MFSD11: variants seen among roughly 807,000 people sequenced by gnomAD.
MFSD11 encodes the protein major facilitator superfamily domain containing 11.
Under a neutral mutation model 53.5 loss-of-function variants are expected in MFSD11, and 36 were observed. The observed-to-expected ratio is 0.67, with a 90% CI of 0.52 to 0.89. The LOEUF is 0.89. Among genes scored for constraint, MFSD11 ranks in the 40% least tolerant of loss-of-function variants. The pLI is 0.00. For synonymous variants in MFSD11, 186 were observed against 184.9 expected, an observed-to-expected ratio of 1.01 and a Z score of -0.05; for missense variants, 530 against 543.9, an observed-to-expected ratio of 0.97 and a Z score of 0.25.
rs76737318 is a variant in MFSD11, at chr17:76,768,999, A to C, written c.749-747A>C. ...AGACTCTCTCTCAAAAAAAAAAAAA[A>C]AAAAGAATGTTCCTGTTTCTTTGGA... On this transcript the variant is annotated intron_variant, in intron 9 of 12. Coordinates refer to ENST00000685175, the MANE Select transcript of MFSD11 (RefSeq NM_001242532.5). Among the ~76,000 whole-genome samples the C allele has an allele frequency of 6.6e-3, 1,001 of 152,146 alleles. 15 individuals carry two copies. The highest frequency in any genetic ancestry group is 0.023 in the African/African-American group (959 of 41,478).
intron 12 of MFSD11, 47 bp from the exon 13 acceptor site, chr17:76,778,141 G>T (rs771330933): frequency 6.8e-6 from 11 of 1,608,054 alleles, no homozygotes; most frequent in African/African-American, 4.0e-5. Flanking sequence ...CTGTGGCTCA[G>T]TGTGGCCCCC....
Position 76,742,214 on chromosome 17 carries a change from T to C in MFSD11, c.378T>C (p.Asn126=), listed in dbSNP as rs1309928686. ...WTAQGNCLTI[N]SDEHSIGRNS... is the part of the protein sequence containing the mutation. ...CACAAGGAAACTGCCTGACAATCAA[T>C]TCGGATGAGCACAGCATTGGGAGAA... Residue 126 remains asparagine (N), a synonymous_variant, in exon 5 of 13, where the codon AAT becomes AAC. Transcript: ENST00000685175. The C allele has an allele frequency of 6.2e-7, 1 of 1,614,082 alleles. No individual in the cohort carries two copies. Among genetic ancestry groups the C allele is most frequent in the African/African-American group, 1.3e-5 (1 of 74,932 alleles).
chr17:76,796,133 A>G, the MFSD11 span, among the ~76,000 whole-genome samples: 1 of 152,202 alleles, frequency 6.6e-6, no homozygotes, highest in Non-Finnish European at 1.5e-5. Flanking sequence ...TTTCATGAAT[A>G]CATTTTACTT....
chr17:76,742,001 C>G lies in MFSD11; in HGVS notation c.293C>G (p.Pro98Arg). 1 of 1,614,138 alleles carries G rather than the reference C, an allele frequency of 6.2e-7. No individual in the cohort carries two copies. The highest frequency in any genetic ancestry group is 1.1e-5 in the South Asian group (1 of 91,074). Residue 98 changes from proline (P) to arginine (R), a missense_variant, in exon 4 of 13, where the codon CCG becomes CGG. Transcript: ENST00000685175. ...ATTGCCGTTTTCATCCAGCCTTTCC[C>G]GTGGTCCTTCTACACAGCCTCTGTT... ...MYIAVFIQPF[P>R]WSFYTASVFI...
At chr17:76,746,489 C>T (rs983921114) in intron 7 of MFSD11, among the ~76,000 whole-genome samples, 4 of 152,174 alleles carry the variant, frequency 2.6e-5, no homozygotes, top group Non-Finnish European at 5.9e-5. Context: ...TAAAAGATGC[C>T]ATCTAGGAAT....
the MFSD11 span, among the ~76,000 whole-genome samples, chr17:76,802,558 C>T: frequency 2.0e-5 from 3 of 152,122 alleles, no homozygotes; most frequent in Non-Finnish European, 2.9e-5. Context: ...ATGCCATCCA[C>T]GTGTAAATGT....
chr17:76,784,589 A>G (rs1281849277), downstream of MFSD11, among the ~76,000 whole-genome samples: 2 of 151,814 alleles, frequency 1.3e-5, no homozygotes, highest in African/African-American at 4.8e-5. Flanking sequence ...AATGGCATTC[A>G]GCATTAAAAG....
chr17:76,778,411 G>T lies in MFSD11; in HGVS notation c.*59G>T, dbSNP rs1197994097. On this transcript the variant is annotated 3_prime_UTR_variant, in exon 13 of 13. Coordinates refer to ENST00000685175, the MANE Select transcript of MFSD11 (RefSeq NM_001242532.5). ...GAAACACAGCTGGACACAGAGCTTG[G>T]TGGAAGAAGTCGCCTTTGATCTTCA... The T allele has an allele frequency of 1.9e-6, 3 of 1,560,262 alleles. No homozygotes were observed. Among genetic ancestry groups the T allele is most frequent in the African/African-American group, 2.7e-5 (2 of 73,316 alleles).
Position 76,778,697 on chromosome 17 carries a change from C to G in MFSD11, c.*345C>G. On this transcript the variant is annotated 3_prime_UTR_variant, in exon 13 of 13. Transcript: ENST00000685175. ...TCCTGCCTTGATTTAGAATACTAGG[C>G]CATATGTCATATAAATATTTTTTCT... is the stretch of plus-strand genomic sequence containing the variant. 5.0e-6 allele frequency: 1 copy of G among 200,718 alleles called. No homozygotes were observed. Among genetic ancestry groups the G allele is most frequent in the African/African-American group, 2.3e-5 (1 of 43,186 alleles). 12.4% of individuals were successfully genotyped at this position (200,718 alleles called of 1,614,324 possible).
chr17:76,785,724 A>C (rs2082266299), downstream of MFSD11, among the ~76,000 whole-genome samples: 1 of 152,100 alleles, frequency 6.6e-6, no homozygotes, highest in Admixed American at 6.6e-5. Context: ...ATTATAATGT[A>C]TTTAATACCA....
At position 76,761,359 on chromosome 17, in the gene MFSD11, G is replaced by T. The variant is rs755404811; in HGVS notation, c.683-6027G>T. ...TATCCTCAGGAAATAATTAAATATT[G>T]TGGCAAGATCTAGCTACTAAGATGT... is the stretch of plus-strand genomic sequence containing the variant. On this transcript the variant is annotated intron_variant, in intron 8 of 12. Coordinates refer to ENST00000685175, the MANE Select transcript of MFSD11 (RefSeq NM_001242532.5). 7.2e-5 allele frequency among the ~76,000 whole-genome samples: 11 copies of T among 152,108 alleles called. 1 individual carries two copies. The highest frequency in any genetic ancestry group is 1.2e-4 in the Non-Finnish European group (8 of 68,014).
At chr17:76,750,679 A>G (rs1212668499) in intron 7 of MFSD11, among the ~76,000 whole-genome samples, 1 of 151,950 alleles carries the variant, frequency 6.6e-6, no homozygotes, top group Non-Finnish European at 1.5e-5. Context: ...TTTTTAACTT[A>G]ATTGGATCAC....
downstream of MFSD11, among the ~76,000 whole-genome samples, chr17:76,782,991 A>G (rs1010921391): frequency 1.3e-5 from 2 of 151,930 alleles, no homozygotes; most frequent in Admixed American, 1.3e-4. Context: ...AGCCTGGCCA[A>G]TATGGTGAAA....
chr17:76,773,478 A>G (rs1217620300), intron 10 of MFSD11: 1 of 152,128 alleles, frequency 6.6e-6, no homozygotes, highest in East Asian at 1.9e-4. Flanking sequence ...ATGGGTAATG[A>G]TGTTGAGCAT....
chr17:76,769,745 G>GAAA lies in MFSD11; in HGVS notation c.749-1_749insAAA (p.Gly250delinsGluSer), dbSNP rs2081221910. On this transcript the variant is annotated protein_altering_variant and splice_region_variant. Transcript: ENST00000685175. Reference sequence around the variant, plus strand: ...CATCTGTTTTTTTTCTTTAACTAAAGGTCTGGAATTAACTTTCTTCTCTGG... The same window carrying GAAA: ...CATCTGTTTTTTTTCTTTAACTAAAGAAAGTCTGGAATTAACTTTCTTCTCTGG... 6.3e-7 allele frequency: 1 copy of GAAA among 1,585,022 alleles called. No homozygotes were observed. The highest frequency in any genetic ancestry group is 8.6e-7 in the Non-Finnish European group (1 of 1,169,350).
At chr17:76,759,511 G>T (rs768254025) in intron 8 of MFSD11, among the ~76,000 whole-genome samples, 1 of 151,966 alleles carries the variant, frequency 6.6e-6, no homozygotes, top group Non-Finnish European at 1.5e-5. Context: ...CTGGAGTGCA[G>T]TGGCGCGATC....
At chr17:76,793,157 G>A in the MFSD11 span, among the ~76,000 whole-genome samples, 13 of 151,352 alleles carry the variant, frequency 8.6e-5, no homozygotes. Context: ...CAGGGTTTGA[G>A]AGCAGACAAC....
intron 8 of MFSD11, among the ~76,000 whole-genome samples, chr17:76,759,746 C>T (rs555990538): frequency 2.1e-4 from 26 of 124,752 alleles, no homozygotes; most frequent in Non-Finnish European, 3.3e-4. Context: ...TGTGAGCCAC[C>T]GTGACCGGCC....
intron 8 of MFSD11, among the ~76,000 whole-genome samples, chr17:76,759,324 C>T (rs902049309): frequency 1.3e-5 from 2 of 151,804 alleles, no homozygotes; most frequent in Non-Finnish European, 2.9e-5. Context: ...ACTCTGTCAC[C>T]CAGGCTGGAG....
Sources: allele counts gnomAD v4.1 joint callset (sites outside exome capture counted in the v4.1 genomes callset), GRCh38; gene constraint gnomAD v4.1.1; transcripts MANE v1.5; gene names NCBI Gene and HGNC (gene_info 2026-07-23, HGNC 2026-07-21).